Variants in PCDHA1 observed in about 807,000 individuals in gnomAD.
PCDHA1 encodes protocadherin alpha 1.
A neutral mutation model predicts 61.3 loss-of-function variants in PCDHA1; 42 were observed. The observed-to-expected ratio is 0.69, with a 90% confidence interval of 0.54 to 0.89. The LOEUF (loss-of-function observed/expected upper bound fraction) is 0.89, where lower values mean the gene tolerates loss of function less well. PCDHA1 is among the 40% of genes least tolerant of loss of function. The pLI is 0.00. For missense variants in PCDHA1, 1,256 were observed against 1,235.3 expected (o/e 1.02, Z -0.25); for synonymous variants, 610 against 553.8 (o/e 1.10, Z -1.43).
intron 1 of PCDHA1, among the ~76,000 whole-genome samples, chr5:140,902,661 C>T (rs1554190552): frequency 6.6e-6 from 1 of 152,036 alleles, no homozygotes; most frequent in Non-Finnish European, 1.5e-5. Flanking sequence ...CACCTGTCAC[C>T]CAAGCAGTGT....
chr5:140,973,126 T>C (rs1554234908), intron 1 of PCDHA1, among the ~76,000 whole-genome samples: 1 of 152,144 alleles, frequency 6.6e-6, no homozygotes, highest in Non-Finnish European at 1.5e-5. Flanking sequence ...ATGAATTAAG[T>C]TTGCATTCAC....
Position 140,787,439 on chromosome 5 carries a change from G to A in PCDHA1, c.1149G>A (p.Gly383=). 1 of 1,614,216 alleles carries A rather than the reference G, an allele frequency of 6.2e-7. No homozygotes were observed. The highest frequency in any genetic ancestry group is 8.5e-7 in the Non-Finnish European group (1 of 1,180,030). The change falls in exon 1 of 4, where the codon GGG becomes GGA. Residue 383 remains glycine (G), a synonymous_variant. Transcript: ENST00000504120. ...TVSDRDSGAN[G]QVTCSLMPHV... ...CTGACCGTGACTCAGGTGCCAACGG[G>A]CAGGTGACTTGCTCCTTAATGCCCC...
intron 1 of PCDHA1, chr5:140,812,425 A>C (rs1554125986): frequency 6.6e-6 from 1 of 152,008 alleles, no homozygotes; most frequent in African/African-American, 2.4e-5. Context: ...GTTTTTTCAA[A>C]AAATCAACTA....
In PCDHA1 at chr5:140,862,815, G is replaced by C. The variant is rs781964079; in HGVS notation, c.2394+74131G>C. 7 of 574,804 alleles carry C rather than the reference G, an allele frequency of 1.2e-5. No individual in the cohort carries two copies. The African/African-American group carries it at 1.3e-4, about 11-fold the overall frequency. The allele number at this position is 574,804 out of a possible 1,614,324, so 35.6% of individuals were successfully genotyped here. A position where few individuals can be genotyped will look rare whatever the true frequency, so the allele number is the denominator to read the frequency against. ...AGGAGCTGGAGCTGCTGCAGTTCTA[G>C]GTGAGAGCGCGCGACGCGGGCATGC... is the stretch of plus-strand genomic sequence containing the variant. On this transcript the variant is annotated intron_variant, in intron 1 of 3. Coordinates refer to ENST00000504120, the MANE Select transcript of PCDHA1 (RefSeq NM_018900.4).
At position 141,011,472 on chromosome 5, in the gene PCDHA1, C is replaced by T. The variant is rs1347341869; in HGVS notation, c.*1535C>T. 40 of 153,652 alleles carry T rather than the reference C, an allele frequency of 2.6e-4. No individual in the cohort carries two copies. The highest frequency in any genetic ancestry group is 9.4e-4 in the African/African-American group (39 of 41,410). 9.5% of individuals were successfully genotyped at this position (153,652 alleles called of 1,614,324 possible). On this transcript the variant is annotated 3_prime_UTR_variant, in exon 4 of 4. Transcript: ENST00000504120. Reference sequence around the variant, plus strand: ...TAAGCTTTATTGTTGAATGTAATTCCATTATATTTCCTTTTGTACACCTGT... The same window carrying T: ...TAAGCTTTATTGTTGAATGTAATTCTATTATATTTCCTTTTGTACACCTGT...
At chr5:140,838,604 C>T (rs1335900872) in intron 1 of PCDHA1, among the ~76,000 whole-genome samples, 1 of 151,900 alleles carries the variant, frequency 6.6e-6, no homozygotes, top group Non-Finnish European at 1.5e-5. Flanking sequence ...ATTGTCTAGA[C>T]TTTTAAAAAT....
At chr5:140,977,813 C>T (rs1347788650) in intron 1 of PCDHA1, among the ~76,000 whole-genome samples, 1 of 152,192 alleles carries the variant, frequency 6.6e-6, no homozygotes, top group Non-Finnish European at 1.5e-5. Flanking sequence ...GAATTATTGA[C>T]AGTTTTGAAT....
At chr5:140,803,409 A>C (rs1554122799) in intron 1 of PCDHA1, 12 of 1,614,086 alleles carry the variant, frequency 7.4e-6, no homozygotes, top group Admixed American at 5.0e-5. Flanking sequence ...GGGCAAGCCC[A>C]CGCTGGTGTG....
intron 1 of PCDHA1, among the ~76,000 whole-genome samples, chr5:140,845,274 T>C (rs1779779803): frequency 6.7e-6 from 1 of 149,592 alleles, no homozygotes; most frequent in South Asian, 2.1e-4. Flanking sequence ...TTTGTGAAAG[T>C]AATATTTCCT....
chr5:140,954,824 C>A (rs1167171102), intron 1 of PCDHA1, among the ~76,000 whole-genome samples: 1 of 152,068 alleles, frequency 6.6e-6, no homozygotes, highest in Admixed American at 6.6e-5. Flanking sequence ...GCTTTAGGCA[C>A]TTTTGTCATG....
chr5:140,870,763 G>T (rs1386684596), intron 1 of PCDHA1: 1 of 1,613,434 alleles, frequency 6.2e-7, no homozygotes, highest in African/African-American at 1.3e-5. Context: ...GCAGGTGTTC[G>T]TGCTGGACGA....
At chr5:140,862,657 C>A (rs2047475881) in intron 1 of PCDHA1, 6 of 545,246 alleles carry the variant, frequency 1.1e-5, no homozygotes, top group Admixed American at 9.6e-5. Flanking sequence ...CGCGCGGGAC[C>A]GGGACGCGCA....
chr5:140,801,176 T>C (rs782375561), intron 1 of PCDHA1: 115 of 1,569,244 alleles, frequency 7.3e-5, no homozygotes, highest in Non-Finnish European at 9.6e-5. Flanking sequence ...AAAGGCAATC[T>C]AATATTTGGA....
intron 1 of PCDHA1, among the ~76,000 whole-genome samples, chr5:140,970,269 A>G (rs1410341195): frequency 6.6e-6 from 1 of 152,184 alleles, no homozygotes; most frequent in East Asian, 1.9e-4. Flanking sequence ...TTTTGATGAG[A>G]TGTAAAGTAG....
chr5:140,891,879 A>G, intron 1 of PCDHA1, among the ~76,000 whole-genome samples: 1 of 152,196 alleles, frequency 6.6e-6, no homozygotes, highest in East Asian at 1.9e-4. Flanking sequence ...TGGCTCTGTC[A>G]TGTGACGATG....
chr5:140,883,870 G>T, intron 1 of PCDHA1: 1 of 1,613,302 alleles, frequency 6.2e-7, no homozygotes, highest in South Asian at 1.1e-5. Context: ...TGCAGTTCCA[G>T]GTGAGCGCGC....
intron 1 of PCDHA1, among the ~76,000 whole-genome samples, chr5:140,902,390 A>G (rs1051277099): frequency 2.6e-5 from 4 of 151,960 alleles, no homozygotes; most frequent in Admixed American, 1.3e-4. Flanking sequence ...TAAGAGTACT[A>G]TGTTGAATAC....
chr5:141,000,365 C>CTG (rs2097904906), intron 3 of PCDHA1, among the ~76,000 whole-genome samples: 2 of 12,832 alleles, frequency 1.6e-4, no homozygotes, highest in Non-Finnish European at 2.6e-4. Flanking sequence ...CTCTCTGTCT[C>CTG]TCTCTCTCTC....
chr5:140,870,852 G>C (rs782301779), intron 1 of PCDHA1: 3 of 1,613,862 alleles, frequency 1.9e-6, no homozygotes, highest in Non-Finnish European at 2.5e-6. Flanking sequence ...TACCGCGGTC[G>C]GTGGGTGCGG....
Sources: gnomAD v4.1 joint callset for allele counts (sites outside exome capture counted in the v4.1 genomes callset) on GRCh38, gnomAD v4.1.1 for gene constraint, MANE v1.5 for transcripts, NCBI Gene and HGNC (gene_info 2026-07-23, HGNC 2026-07-21) for gene names.